BAZ1A: variants seen among roughly 807,000 people sequenced by gnomAD.
The protein encoded by BAZ1A is bromodomain adjacent to zinc finger domain 1A.
A neutral mutation model predicts 185.2 loss-of-function variants in BAZ1A; 50 were observed. The observed-to-expected ratio is 0.27, with a 90% CI of 0.22 to 0.34. BAZ1A has a LOEUF of 0.34. BAZ1A is among the 10% of genes least tolerant of loss of function. BAZ1A has a pLI of 1.00. For missense variants in BAZ1A, 1,356 were observed against 1,839.9 expected, an observed-to-expected ratio of 0.74 and a Z score of 4.81; for synonymous variants, 571 against 615.6, an observed-to-expected ratio of 0.93 and a Z score of 1.07.
At chr14:34,843,948 G>A (rs2042458251) in intron 3 of BAZ1A, among the ~76,000 whole-genome samples, 1 of 152,004 alleles carries the variant, frequency 6.6e-6, no homozygotes, top group Non-Finnish European at 1.5e-5. Context: ...GCTCACGCCT[G>A]TAATCCCAGC....
At chr14:34,766,596 A>C (rs747121297) in intron 21 of BAZ1A, among the ~76,000 whole-genome samples, 1 of 152,170 alleles carries the variant, frequency 6.6e-6, no homozygotes, top group Non-Finnish European at 1.5e-5. Context: ...AAGGAAGTTG[A>C]TTCACCTAGA....
At chr14:34,873,195 TAC>T (rs1186747088) in intron 2 of BAZ1A, among the ~76,000 whole-genome samples, 1 of 152,150 alleles carries the variant, frequency 6.6e-6, no homozygotes. Flanking sequence ...CTTAGACAGG[TAC>T]AGTTTGCCCA....
chr14:34,773,519 ACCTT>A, intron 20 of BAZ1A, 49 bp downstream of exon 20: 2 of 1,403,028 alleles, frequency 1.4e-6, no homozygotes, highest in Non-Finnish European at 1.9e-6. Context: ...AAAAAAAAAA[ACCTT>A]AAAATGGCAA....
Position 34,768,253 on chromosome 14 carries a change from T to C in BAZ1A, c.3302-2985A>G, listed in dbSNP as rs116261394. ...TAGTGGGAGACTTCATACTGTTCAA[T>C]GGCCACTATACAGTAATCCATGTGA... On this transcript the variant is annotated intron_variant, in intron 21 of 26. Coordinates refer to ENST00000360310, the MANE Select transcript of BAZ1A (RefSeq NM_013448.3). 2.7e-3 allele frequency among the ~76,000 whole-genome samples: 406 copies of C among 152,310 alleles called. 1 individual carries two copies. The highest frequency in any genetic ancestry group is 9.3e-3 in the African/African-American group (388 of 41,576).
intron 4 of BAZ1A, among the ~76,000 whole-genome samples, chr14:34,815,662 G>C (rs913958511): frequency 1.3e-5 from 2 of 152,180 alleles, no homozygotes; most frequent in South Asian, 2.1e-4. Flanking sequence ...TTACCATAAT[G>C]GGAGTTGTTT....
At chr14:34,792,702 A>C (rs567285088) in intron 12 of BAZ1A, 73 bp downstream of exon 12, 61 of 1,523,154 alleles carry the variant, frequency 4.0e-5, no homozygotes, top group South Asian at 2.4e-4. Flanking sequence ...AATTTAACTT[A>C]AAATTGGCCC....
intron 21 of BAZ1A, among the ~76,000 whole-genome samples, chr14:34,766,560 A>G (rs1356664349): frequency 6.6e-6 from 1 of 152,166 alleles, no homozygotes; most frequent in African/African-American, 2.4e-5. Flanking sequence ...GAGTGGAAAC[A>G]GGCACTACAT....
intron 21 of BAZ1A, among the ~76,000 whole-genome samples, chr14:34,766,556 A>T (rs1222475565): frequency 6.6e-6 from 1 of 152,178 alleles, no homozygotes; most frequent in Non-Finnish European, 1.5e-5. Context: ...GTCAGAGTGG[A>T]AACAGGCACT....
rs146217848 is a variant in BAZ1A, at chr14:34,755,241, C to T, written c.4387-327G>A. Among the ~76,000 whole-genome samples, 8 of 152,206 alleles carry T rather than the reference C, an allele frequency of 5.3e-5. No individual in the cohort carries two copies. In the East Asian group the frequency reaches 1.5e-3, roughly 29 times the overall value. ...AAAGTGTACTTTAGGACAAAAATTA[C>T]CCAGGCAAAATGAGTCAAGTCAAAC... On this transcript the variant is annotated intron_variant, in intron 25 of 26. Coordinates refer to ENST00000360310, the MANE Select transcript of BAZ1A (RefSeq NM_013448.3).
At chr14:34,861,485 G>A (rs1255219588) in intron 3 of BAZ1A, among the ~76,000 whole-genome samples, 1 of 152,158 alleles carries the variant, frequency 6.6e-6, no homozygotes, top group Non-Finnish European at 1.5e-5. Context: ...AAGTATGAAA[G>A]AAGGAGAACT....
At chr14:34,816,568 T>C (rs113832487) in intron 4 of BAZ1A, 5 of 175,514 alleles carry the variant, frequency 2.8e-5, no homozygotes, top group Admixed American at 1.9e-4. Flanking sequence ...CTTGATCCAC[T>C]GTAAAAAACA....
intron 3 of BAZ1A, among the ~76,000 whole-genome samples, chr14:34,833,862 T>A (rs1288127380): frequency 6.6e-6 from 1 of 152,046 alleles, no homozygotes; most frequent in African/African-American, 2.4e-5. Context: ...ATAGTAAAAA[T>A]TTTATGTTTA....
Position 34,835,250 on chromosome 14 carries a change from T to G in BAZ1A, c.393-9094A>C, listed in dbSNP as rs567936369. ...CTAATTTTTGTATTTTTAGTAGAGA[T>G]AGGGTTTCACTATGTTGGCCAGGCT... On this transcript the variant is annotated intron_variant, in intron 3 of 26. Coordinates refer to ENST00000360310, the MANE Select transcript of BAZ1A (RefSeq NM_013448.3). 4.7e-3 allele frequency among the ~76,000 whole-genome samples: 713 copies of G among 150,216 alleles called. 13 individuals are homozygous for G. Among genetic ancestry groups the G allele is most frequent in the African/African-American group, 0.017 (679 of 40,642 alleles).
At chr14:34,792,075 G>A (rs1044985099) in intron 12 of BAZ1A, among the ~76,000 whole-genome samples, 3 of 152,140 alleles carry the variant, frequency 2.0e-5, no homozygotes, top group Non-Finnish European at 4.4e-5. Context: ...TCATTTTAAA[G>A]TATTAATTAC....
At chr14:34,790,153 TTAAA>T (rs974691281) in intron 12 of BAZ1A, among the ~76,000 whole-genome samples, 28 of 151,670 alleles carry the variant, frequency 1.8e-4, no homozygotes, top group Middle Eastern at 3.4e-3. Flanking sequence ...TCCCTAACAT[TTAAA>T]TAAATATTTT....
intron 9 of BAZ1A, among the ~76,000 whole-genome samples, chr14:34,796,583 C>T (rs893287143): frequency 2.0e-5 from 3 of 152,284 alleles, no homozygotes; most frequent in South Asian, 2.1e-4. Flanking sequence ...TTCTCTTACT[C>T]GGTCTTTTGA....
chr14:34,791,902 C>T (rs1042565164), intron 12 of BAZ1A, among the ~76,000 whole-genome samples: 1 of 152,118 alleles, frequency 6.6e-6, no homozygotes, highest in Non-Finnish European at 1.5e-5. Flanking sequence ...AAAGGTTTGC[C>T]TCAAGAATTA....
intron 1 of BAZ1A, 33 bp downstream of exon 1, chr14:34,875,105 G>A (rs1162850235): frequency 1.4e-5 from 5 of 362,430 alleles, no homozygotes; most frequent in East Asian, 1.5e-4. Flanking sequence ...CCACTTCCCC[G>A]CCGGCGCCGG....
At chr14:34,783,702 G>C in intron 15 of BAZ1A, 60 bp downstream of exon 15, 1 of 1,559,236 alleles carries the variant, frequency 6.4e-7, no homozygotes, top group Non-Finnish European at 8.7e-7. Flanking sequence ...GTGAAATATG[G>C]TTTTAAATGC....
Sources: allele counts gnomAD v4.1 joint callset (sites outside exome capture counted in the v4.1 genomes callset), GRCh38; gene constraint gnomAD v4.1.1; transcripts MANE v1.5; gene names NCBI Gene and HGNC (gene_info 2026-07-23, HGNC 2026-07-21).